The following MAP7D2 variants were observed in gnomAD, a reference collection of about 807,000 sequenced individuals.
MAP7D2 encodes MAP7 domain-containing protein 2.
MAP7D2 carries 33 observed loss-of-function variants against 63.5 expected under a neutral mutation model. The observed-to-expected ratio is 0.52, with a 90% confidence interval of 0.39 to 0.70. The LOEUF (loss-of-function observed/expected upper bound fraction) is 0.70, where lower values mean the gene tolerates loss of function less well. Ranked by LOEUF, MAP7D2 falls within the 30% of genes least tolerant of loss-of-function variation. The pLI is 0.00. For missense variants in MAP7D2, 626 were observed against 604.0 expected (o/e 1.04, Z -0.38); for synonymous variants, 224 against 223.7 (o/e 1.00, Z -0.01).
At chrX:20,037,410 G>A (rs971188475) in intron 8 of MAP7D2, among the ~76,000 whole-genome samples, 8 of 111,843 alleles carry the variant, frequency 7.2e-5, no homozygotes, top group South Asian at 3.8e-4. Context: ...AGCCCGCACC[G>A]ATGGCCTCAT....
At chrX:20,116,020 C>A (rs1367428781) in intron 1 of MAP7D2, among the ~76,000 whole-genome samples, 3 of 113,002 alleles carry the variant, frequency 2.7e-5, no homozygotes, top group African/African-American at 9.6e-5. Context: ...AATGTCCTCA[C>A]AGTCTCCTCC....
chrX:20,112,337 G>T (rs2066768191), intron 1 of MAP7D2, among the ~76,000 whole-genome samples: 1 of 111,965 alleles, frequency 8.9e-6, no homozygotes, highest in South Asian at 3.7e-4. Flanking sequence ...CATGCATGCG[G>T]CTCACTCATA....
At chrX:20,014,398 T>C (rs1254135602) in intron 12 of MAP7D2, among the ~76,000 whole-genome samples, 1 of 111,154 alleles carries the variant, frequency 9.0e-6, no homozygotes, top group African/African-American at 3.3e-5. Context: ...TGAAATCCCA[T>C]CTCTACTAAA....
intron 1 of MAP7D2, among the ~76,000 whole-genome samples, chrX:20,082,504 C>A (rs1222285970): frequency 3.6e-5 from 4 of 112,538 alleles, no homozygotes; most frequent in African/African-American, 1.3e-4. Flanking sequence ...TTACCCCCAT[C>A]CTAGGCCTAC....
intron 1 of MAP7D2, among the ~76,000 whole-genome samples, chrX:20,112,491 G>A (rs2066772018): frequency 9.0e-6 from 1 of 111,673 alleles, no homozygotes; most frequent in South Asian, 3.8e-4. Context: ...TGACCTCAGA[G>A]GCAGACGAGG....
chrX:20,108,358 C>T (rs1172018306), intron 1 of MAP7D2, among the ~76,000 whole-genome samples: 1 of 109,814 alleles, frequency 9.1e-6, no homozygotes, highest in Non-Finnish European at 1.9e-5. Context: ...CCGCCGCTTC[C>T]CGAGTAACTG....
chrX:20,087,452 G>A (rs1005831481), intron 1 of MAP7D2, among the ~76,000 whole-genome samples: 1 of 111,891 alleles, frequency 8.9e-6, no homozygotes, highest in Non-Finnish European at 1.9e-5. Flanking sequence ...CTTCCACCAT[G>A]AGTGGAAGTA....
At chrX:20,099,823 A>G (rs1218128442) in intron 1 of MAP7D2, among the ~76,000 whole-genome samples, 1 of 112,157 alleles carries the variant, frequency 8.9e-6, no homozygotes, top group Non-Finnish European at 1.9e-5. Flanking sequence ...TCATTTACAT[A>G]TACAGTGAAG....
chrX:20,090,070 G>C (rs2066024903), intron 1 of MAP7D2, among the ~76,000 whole-genome samples: 1 of 111,722 alleles, frequency 9.0e-6, no homozygotes, highest in African/African-American at 3.3e-5. Context: ...GTTAAAAGTG[G>C]CTCCCTGCTG....
chrX:20,041,016 T>A (rs1423411854), intron 8 of MAP7D2, among the ~76,000 whole-genome samples: 1 of 111,939 alleles, frequency 8.9e-6, no homozygotes, highest in Non-Finnish European at 1.9e-5. Flanking sequence ...TTCTCATTTC[T>A]ATAGAAGATA....
chrX:20,057,873 G>A (rs751395863), intron 3 of MAP7D2, among the ~76,000 whole-genome samples: 2 of 112,387 alleles, frequency 1.8e-5, no homozygotes, highest in South Asian at 3.7e-4. Context: ...GCTCCTTTAT[G>A]TCACACTTAC....
At chrX:20,063,107 G>C (rs2065262166) in intron 3 of MAP7D2, among the ~76,000 whole-genome samples, 1 of 111,316 alleles carries the variant, frequency 9.0e-6, no homozygotes, top group Admixed American at 9.5e-5. Context: ...GACTAAAAGA[G>C]GCATTGGAGA....
At chrX:20,020,827 A>T (rs1052157671) in intron 10 of MAP7D2, among the ~76,000 whole-genome samples, 1 of 111,828 alleles carries the variant, frequency 8.9e-6, no homozygotes, top group Non-Finnish European at 1.9e-5. Flanking sequence ...CCTTGCTCGT[A>T]GGGAGCTGTC....
At position 20,056,820 on chromosome X, in the gene MAP7D2, A is replaced by T. The variant is rs751567796; in HGVS notation, c.373-29T>A. The T allele has an allele frequency of 6.9e-6, 8 of 1,153,208 alleles. No individual in the cohort carries two copies. The East Asian group carries it at 2.1e-4, about 30-fold the overall frequency. On this transcript the variant is annotated intron_variant, in intron 3 of 16. Coordinates refer to ENST00000379643, the MANE Select transcript of MAP7D2 (RefSeq NM_001168465.2). ...CACAGTTCGTGTAAGGCAAGTGTTA[A>T]CAAGATTAACTACCCAGCCCCACCA...
chrX:20,034,206 C>G (rs111541442), intron 8 of MAP7D2, among the ~76,000 whole-genome samples: 3 of 72,245 alleles, frequency 4.2e-5, no homozygotes, highest in African/African-American at 1.8e-4. Context: ...GACTGGGCGA[C>G]AGAGTGAGAC....
Position 20,104,929 on chromosome X carries a change from G to A in MAP7D2, c.130+11821C>T, listed in dbSNP as rs755516175. 8.0e-5 allele frequency among the ~76,000 whole-genome samples: 9 copies of A among 112,406 alleles called. No individual in the cohort carries two copies. In the South Asian group the frequency reaches 3.3e-3, roughly 41 times the overall value. On this transcript the variant is annotated intron_variant, in intron 1 of 16. Transcript: ENST00000379643. ...CTCTGGTAAATGTAGTGCTGAAAAC[G>A]CGCTAGGTATTGAAGGAAGAGAACA...
intron 10 of MAP7D2, among the ~76,000 whole-genome samples, chrX:20,023,889 G>T (rs942681516): frequency 7.2e-5 from 8 of 111,728 alleles, no homozygotes; most frequent in African/African-American, 9.8e-5. Flanking sequence ...CAAAATGTTG[G>T]AAACAGGAAA....
At chrX:20,069,637 T>C (rs1348235548) in intron 1 of MAP7D2, among the ~76,000 whole-genome samples, 2 of 111,119 alleles carry the variant, frequency 1.8e-5, no homozygotes, top group Non-Finnish European at 3.8e-5. Flanking sequence ...GAAGTGGATG[T>C]CTATAAAAGG....
Position 20,052,776 on chromosome X carries a change from T to C in MAP7D2, c.595+102A>G, listed in dbSNP as rs973183118. On this transcript the variant is annotated intron_variant, in intron 5 of 16. Transcript: ENST00000379643. ...CCACAAGACTAGGACAATGACGGTA[T>C]CTGCAGAAGGCTCAAGAGGAGACTC... 6 of 623,891 alleles carry C rather than the reference T, an allele frequency of 9.6e-6. No homozygotes were observed. In the African/African-American group the frequency reaches 1.3e-4, roughly 14 times the overall value. 51.4% of individuals were successfully genotyped at this position (623,891 alleles called of 1,213,427 possible). A position where few individuals can be genotyped will look rare whatever the true frequency, so the allele number is the denominator to read the frequency against.
Sources: allele counts gnomAD v4.1 joint callset (sites outside exome capture counted in the v4.1 genomes callset), GRCh38; gene constraint gnomAD v4.1.1; transcripts MANE v1.5; gene names NCBI Gene and HGNC (gene_info 2026-07-23, HGNC 2026-07-21).